Variants in ROBO2 observed in about 807,000 individuals in gnomAD.
ROBO2 encodes roundabout guidance receptor 2, also known as roundabout homolog 2.
In ROBO2, 53 loss-of-function variants were observed where a neutral mutation model predicts 160.8. That is an observed-to-expected ratio of 0.33 (90% CI 0.26 to 0.41). The LOEUF (loss-of-function observed/expected upper bound fraction) is 0.41, where lower values mean the gene tolerates loss of function less well. Among genes scored for constraint, ROBO2 ranks in the 10% least tolerant of loss-of-function variants. The probability of loss-of-function intolerance (pLI) is 1.00; values close to 1 mark genes in which losing one functional copy is unlikely to be tolerated. For missense variants in ROBO2, 1,577 were observed against 1,722.4 expected (o/e 0.92, Z 1.49); for synonymous variants, 664 against 611.7 (o/e 1.09, Z -1.26).
chr3:76,415,664 C>T (rs1465858793), intron 2 of ROBO2, among the ~76,000 whole-genome samples: 2 of 151,990 alleles, frequency 1.3e-5, no homozygotes, highest in Non-Finnish European at 2.9e-5. Context: ...TATTGCTAAT[C>T]GATGAAAAAT....
chr3:76,239,379 T>C (rs1449520392), intron 2 of ROBO2, among the ~76,000 whole-genome samples: 1 of 151,692 alleles, frequency 6.6e-6, no homozygotes, highest in African/African-American at 2.4e-5. Context: ...TATATGTACA[T>C]ATATAGTATG....
chr3:76,177,176 A>G (rs546495035), intron 2 of ROBO2, among the ~76,000 whole-genome samples: 54 of 152,132 alleles, frequency 3.5e-4, no homozygotes, highest in Non-Finnish European at 6.6e-4. Flanking sequence ...CAAAAGCTCT[A>G]TGTATTTTGC....
chr3:76,394,354 T>C (rs1401669435), intron 2 of ROBO2, among the ~76,000 whole-genome samples: 4 of 152,124 alleles, frequency 2.6e-5, no homozygotes, highest in Non-Finnish European at 5.9e-5. Flanking sequence ...TTTGCTTGTC[T>C]GTAAAGTATT....
intron 2 of ROBO2, among the ~76,000 whole-genome samples, chr3:76,495,587 T>C (rs2080103479): frequency 7.3e-6 from 1 of 136,380 alleles, no homozygotes; most frequent in African/African-American, 2.5e-5. Flanking sequence ...ATAGACCATT[T>C]TCTAGTTTTT....
intron 2 of ROBO2, among the ~76,000 whole-genome samples, chr3:76,124,447 C>G (rs2070885327): frequency 6.6e-6 from 1 of 152,066 alleles, no homozygotes; most frequent in Admixed American, 6.6e-5. Context: ...TACATCAGGG[C>G]AAGCTCAAAG....
intron 1 of ROBO2, among the ~76,000 whole-genome samples, chr3:77,073,478 C>A (rs1275583766): frequency 3.3e-5 from 5 of 152,164 alleles, no homozygotes; most frequent in Non-Finnish European, 7.3e-5. Flanking sequence ...AAGCACATTA[C>A]AGAAAACAAA....
chr3:76,058,589 C>CTTTTTTT (rs10676074), intron 2 of ROBO2, among the ~76,000 whole-genome samples: 83 of 48,774 alleles, frequency 1.7e-3, no homozygotes, highest in East Asian at 4.6e-3. Flanking sequence ...ACAGCAGAAA[C>CTTTTTTT]TTTTTTTTTT....
chr3:77,413,095 A>G (rs2076935194), intron 2 of ROBO2, among the ~76,000 whole-genome samples: 1 of 152,134 alleles, frequency 6.6e-6, no homozygotes, highest in South Asian at 2.1e-4. Flanking sequence ...CTTTGGGACC[A>G]GTACTCTTTT....
intron 2 of ROBO2, among the ~76,000 whole-genome samples, chr3:77,213,595 C>A (rs1308513113): frequency 1.3e-5 from 2 of 152,076 alleles, no homozygotes; most frequent in African/African-American, 4.8e-5. Context: ...CTGCTCTGAT[C>A]TTAGTTATTT....
chr3:76,496,521 A>G (rs1174898471), intron 2 of ROBO2, among the ~76,000 whole-genome samples: 1 of 152,100 alleles, frequency 6.6e-6, no homozygotes, highest in Admixed American at 6.6e-5. Context: ...AAAACCTCTA[A>G]ATGTACTTCT....
At chr3:76,987,393 T>C (rs1489578609) in intron 2 of ROBO2, among the ~76,000 whole-genome samples, 2 of 152,192 alleles carry the variant, frequency 1.3e-5, no homozygotes, top group South Asian at 4.1e-4. Context: ...TTTTCTTTCT[T>C]AATGCTCCAT....
At chr3:77,607,724 T>C (rs1407745405) in intron 20 of ROBO2, 74 bp from the exon 22 acceptor site, 8 of 1,343,680 alleles carry the variant, frequency 6.0e-6, no homozygotes, top group Non-Finnish European at 7.5e-6. Context: ...GAAACATAAA[T>C]ACACCTTGCC....
At chr3:76,464,126 A>T (rs114826353) in intron 2 of ROBO2, among the ~76,000 whole-genome samples, 114 of 152,266 alleles carry the variant, frequency 7.5e-4, no homozygotes, top group African/African-American at 2.6e-3. Flanking sequence ...TAATCTAGTT[A>T]TGAAGTATAG....
At chr3:76,705,919 T>C (rs1341463566) in intron 2 of ROBO2, among the ~76,000 whole-genome samples, 2 of 152,126 alleles carry the variant, frequency 1.3e-5, no homozygotes, top group African/African-American at 4.8e-5. Flanking sequence ...TTTACTGAAA[T>C]CTGTCTGTGG....
At chr3:76,555,064 T>G (rs1427656163) in intron 2 of ROBO2, among the ~76,000 whole-genome samples, 1 of 152,006 alleles carries the variant, frequency 6.6e-6, no homozygotes, top group East Asian at 1.9e-4. Context: ...TAGAAAGTCT[T>G]TACCCCAAAT....
chr3:76,102,836 T>G (rs1243261175), intron 2 of ROBO2, among the ~76,000 whole-genome samples: 1 of 151,980 alleles, frequency 6.6e-6, no homozygotes, highest in East Asian at 1.9e-4. Context: ...TGACTTTTTT[T>G]TTTTTTGAGA....
chr3:77,565,201 A>G (rs1293601801), intron 12 of ROBO2, 81 bp downstream of exon 13: 1 of 1,469,892 alleles, frequency 6.8e-7, no homozygotes. Flanking sequence ...ATGAGGAAAT[A>G]TACATGTGCC....
intron 2 of ROBO2, among the ~76,000 whole-genome samples, chr3:76,900,304 C>T (rs2075127031): frequency 6.6e-6 from 1 of 152,146 alleles, no homozygotes; most frequent in Admixed American, 6.5e-5. Context: ...TACCCTCTGT[C>T]ACAGAGTGGA....
At chr3:77,198,964 T>C (rs1209230341) in intron 2 of ROBO2, among the ~76,000 whole-genome samples, 4 of 152,246 alleles carry the variant, frequency 2.6e-5, no homozygotes, top group East Asian at 1.9e-4. Flanking sequence ...TGTAAAAATA[T>C]GCTCTATGTT....
Sources: gnomAD v4.1 joint callset for allele counts (sites outside exome capture counted in the v4.1 genomes callset) on GRCh38, gnomAD v4.1.1 for gene constraint, MANE v1.5 for transcripts, NCBI Gene and HGNC (gene_info 2026-07-23, HGNC 2026-07-21) for gene names.